Variants in NAALADL2 observed in about 807,000 individuals in gnomAD.
NAALADL2 encodes the protein inactive N-acetylated-alpha-linked acidic dipeptidase-like protein 2.
A neutral mutation model predicts 87.2 loss-of-function variants in NAALADL2; 76 were observed. The ratio of observed to expected loss-of-function variants is 0.87; its 90% CI spans 0.72 to 1.05. The LOEUF (loss-of-function observed/expected upper bound fraction) is 1.05. NAALADL2 is among the 50% of genes least tolerant of loss of function. The pLI is 0.00. For synonymous variants in NAALADL2, 354 were observed against 331.0 expected (o/e 1.07, Z -0.75); for missense variants, 1,089 against 945.8 (o/e 1.15, Z -1.99).
At chr3:174,451,421 A>G (rs527764471) in intron 1 of NAALADL2, among the ~76,000 whole-genome samples, 1 of 152,332 alleles carries the variant, frequency 6.6e-6, no homozygotes, top group South Asian at 2.1e-4. Flanking sequence ...AATTGTTATC[A>G]AGAATTCAAT....
chr3:174,941,488 G>A (rs1375420084), intron 1 of NAALADL2, among the ~76,000 whole-genome samples: 2 of 152,194 alleles, frequency 1.3e-5, no homozygotes, highest in African/African-American at 4.8e-5. Context: ...TTGGGGTGGA[G>A]AGTCCGGTAG....
chr3:175,149,807 G>A (rs890503459), intron 2 of NAALADL2, among the ~76,000 whole-genome samples: 64 of 152,060 alleles, frequency 4.2e-4, no homozygotes, highest in African/African-American at 1.5e-3. Flanking sequence ...TTACAGAACC[G>A]GATTAGTGCG....
chr3:175,384,760 T>G (rs1264832286), intron 5 of NAALADL2, among the ~76,000 whole-genome samples: 1 of 151,016 alleles, frequency 6.6e-6, no homozygotes, highest in Non-Finnish European at 1.5e-5. Flanking sequence ...TTTTATTTAT[T>G]TATTTATTTT....
chr3:174,572,200 C>T (rs1715009930), intron 2 of NAALADL2, among the ~76,000 whole-genome samples: 1 of 152,070 alleles, frequency 6.6e-6, no homozygotes, highest in Admixed American at 6.6e-5. Context: ...GTGATCTTGG[C>T]TCACTGCAAC....
chr3:175,260,640 T>A (rs772091526), intron 4 of NAALADL2, among the ~76,000 whole-genome samples: 1 of 152,180 alleles, frequency 6.6e-6, no homozygotes, highest in Non-Finnish European at 1.5e-5. Context: ...CAACAGTTAG[T>A]CATGATTCTA....
At chr3:174,826,158 A>G (rs967037095) in intron 3 of NAALADL2, among the ~76,000 whole-genome samples, 1 of 152,198 alleles carries the variant, frequency 6.6e-6, no homozygotes, top group Non-Finnish European at 1.5e-5. Context: ...CTTTCCTTAC[A>G]AAACCCTATT....
chr3:174,647,043 T>C (rs1041961617), intron 2 of NAALADL2, among the ~76,000 whole-genome samples: 2 of 152,142 alleles, frequency 1.3e-5, no homozygotes, highest in South Asian at 2.1e-4. Context: ...TTTAGAAATA[T>C]AATTTACAGA....
intron 3 of NAALADL2, among the ~76,000 whole-genome samples, chr3:174,813,560 G>T (rs1720457140): frequency 1.3e-5 from 2 of 152,170 alleles, no homozygotes; most frequent in Non-Finnish European, 2.9e-5. Context: ...GGAAAGTACG[G>T]TCTATGATGT....
At chr3:174,607,025 G>A (rs1719157744) in intron 2 of NAALADL2, among the ~76,000 whole-genome samples, 2 of 152,164 alleles carry the variant, frequency 1.3e-5, no homozygotes, top group African/African-American at 4.8e-5. Context: ...CATTCTTAAA[G>A]AAAAGAATTT....
intron 2 of NAALADL2, among the ~76,000 whole-genome samples, chr3:174,670,829 T>G (rs1488676766): frequency 6.6e-6 from 1 of 152,104 alleles, no homozygotes; most frequent in Non-Finnish European, 1.5e-5. Context: ...CCAAATCTCA[T>G]GTTGAAATGT....
chr3:174,575,973 C>G (rs1378183190), intron 2 of NAALADL2, among the ~76,000 whole-genome samples: 1 of 152,108 alleles, frequency 6.6e-6, no homozygotes, highest in Non-Finnish European at 1.5e-5. Context: ...AAGCGATGAT[C>G]CTGCCTCAGA....
intron 6 of NAALADL2, among the ~76,000 whole-genome samples, chr3:175,448,936 G>T (rs552656732): frequency 6.6e-6 from 1 of 151,970 alleles, no homozygotes; most frequent in South Asian, 2.1e-4. Context: ...GGCTGGTCTT[G>T]AGCTCCCTAG....
rs1426890358 is a variant in NAALADL2, at chr3:175,324,208, G to A, written c.973G>A (p.Val325Ile). 11 of 1,613,536 alleles carry A rather than the reference G, an allele frequency of 6.8e-6. No homozygotes were observed. The Admixed American group carries it at 1.7e-4, about 24-fold the overall frequency. The change falls in exon 5 of 14, where the codon GTT becomes ATT. Residue 325 changes from valine to isoleucine, a missense_variant. Coordinates refer to ENST00000454872, the MANE Select transcript of NAALADL2 (RefSeq NM_207015.3). ...SSLEKAGFGG[V>I]LLYIDPCDLP... Reference sequence around the variant, plus strand: ...ATTGGAAAAGGCTGGATTTGGAGGTGTTCTTCTGTATATCGATCCTTGTGA... The same window carrying A: ...ATTGGAAAAGGCTGGATTTGGAGGTATTCTTCTGTATATCGATCCTTGTGA...
At chr3:175,411,316 A>G (rs1415660901) in intron 5 of NAALADL2, among the ~76,000 whole-genome samples, 5 of 152,176 alleles carry the variant, frequency 3.3e-5, no homozygotes, top group African/African-American at 4.8e-5. Context: ...CTTAATTTAC[A>G]TTTGACACAC....
At chr3:175,054,181 G>T (rs1359463568) in intron 1 of NAALADL2, among the ~76,000 whole-genome samples, 1 of 152,228 alleles carries the variant, frequency 6.6e-6, no homozygotes, top group African/African-American at 2.4e-5. Context: ...TTGAGCTGAA[G>T]TATAGGGCAT....
At chr3:175,635,997 C>A (rs960478304) in intron 11 of NAALADL2, among the ~76,000 whole-genome samples, 1 of 152,076 alleles carries the variant, frequency 6.6e-6, no homozygotes, top group African/African-American at 2.4e-5. Flanking sequence ...GTTTTGGACC[C>A]TGTTACGACA....
intron 11 of NAALADL2, among the ~76,000 whole-genome samples, chr3:175,685,689 T>C (rs1305991370): frequency 1.3e-5 from 2 of 152,018 alleles, no homozygotes; most frequent in African/African-American, 4.8e-5. Context: ...GTAGTTTCCA[T>C]CTGAAGGGCA....
At chr3:174,891,541 G>A (rs543524879) in intron 1 of NAALADL2, among the ~76,000 whole-genome samples, 1 of 152,220 alleles carries the variant, frequency 6.6e-6, no homozygotes, top group South Asian at 2.1e-4. Context: ...GTGCTGTTCT[G>A]TTGGCACAGA....
chr3:175,652,057 T>C (rs1357799911), intron 11 of NAALADL2, among the ~76,000 whole-genome samples: 1 of 152,228 alleles, frequency 6.6e-6, no homozygotes, highest in East Asian at 1.9e-4. Flanking sequence ...GTACATCAAA[T>C]TTCTATGTGG....
Sources: gnomAD v4.1 joint callset for allele counts (sites outside exome capture counted in the v4.1 genomes callset) on GRCh38, gnomAD v4.1.1 for gene constraint, MANE v1.5 for transcripts, NCBI Gene and HGNC (gene_info 2026-07-23, HGNC 2026-07-21) for gene names.